The following UBR3 variants were observed in gnomAD, a reference collection of about 807,000 sequenced individuals.
UBR3 encodes E3 ubiquitin-protein ligase UBR3.
A neutral mutation model predicts 243.2 loss-of-function variants in UBR3; 85 were observed. The observed-to-expected ratio is 0.35, with a 90% CI of 0.29 to 0.42. The LOEUF (loss-of-function observed/expected upper bound fraction) is 0.42, where lower values mean the gene tolerates loss of function less well. UBR3 is among the 10% of genes least tolerant of loss of function. UBR3 has a pLI of 1.00. For missense variants in UBR3, 1,686 were observed against 2,300.8 expected, an observed-to-expected ratio of 0.73 and a Z score of 5.47; for synonymous variants, 748 against 799.8, an observed-to-expected ratio of 0.94 and a Z score of 1.09.
At chr2:169,905,032 A>C in intron 8 of UBR3, 82 bp from the exon 9 acceptor site, 2 of 1,173,596 alleles carry the variant, frequency 1.7e-6, no homozygotes, top group Non-Finnish European at 2.2e-6. Flanking sequence ...ATCTGATTCT[A>C]AAGTATATAT....
intron 6 of UBR3, among the ~76,000 whole-genome samples, chr2:169,891,561 A>G (rs1298187433): frequency 1.3e-5 from 2 of 151,628 alleles, no homozygotes; most frequent in African/African-American, 4.8e-5. Context: ...GGGGTATGCA[A>G]TTTCTAGAGT....
At chr2:169,917,408 A>C (rs1011477743) in intron 11 of UBR3, among the ~76,000 whole-genome samples, 1 of 152,166 alleles carries the variant, frequency 6.6e-6, no homozygotes, top group Non-Finnish European at 1.5e-5. Flanking sequence ...AAACTTCAGG[A>C]ATTATTGTTG....
Position 169,925,761 on chromosome 2 carries a change from A to G in UBR3, c.2151+14A>G. 1 of 1,539,548 alleles carries G rather than the reference A, an allele frequency of 6.5e-7. No individual in the cohort carries two copies. Among genetic ancestry groups the G allele is most frequent in the South Asian group, 1.2e-5 (1 of 81,448 alleles). On this transcript the variant is annotated intron_variant, in intron 14 of 38. Coordinates refer to ENST00000272793, the MANE Select transcript of UBR3 (RefSeq NM_172070.4). ...TACCTGTTACAGGTAAGCCAGCTAG[A>G]TAATGCAGATATACTTTAGAAGTGT...
At chr2:170,060,177 A>G (rs1438166540) in intron 33 of UBR3, among the ~76,000 whole-genome samples, 1 of 152,180 alleles carries the variant, frequency 6.6e-6, no homozygotes, top group Non-Finnish European at 1.5e-5. Context: ...AAAGGACATC[A>G]TAGCAGTTCT....
At chr2:170,069,689 T>C (rs1482763352) in intron 35 of UBR3, among the ~76,000 whole-genome samples, 1 of 151,254 alleles carries the variant, frequency 6.6e-6, no homozygotes, top group Non-Finnish European at 1.5e-5. Context: ...GACTGGCTTA[T>C]TTCATTTAAC....
At chr2:170,002,754 T>C (rs1574375689) in intron 27 of UBR3, among the ~76,000 whole-genome samples, 1 of 152,254 alleles carries the variant, frequency 6.6e-6, no homozygotes, top group East Asian at 1.9e-4. Context: ...AGGAGCTGAG[T>C]TCAAACCTCT....
chr2:169,895,649 A>G (rs1345912170), intron 7 of UBR3, among the ~76,000 whole-genome samples: 1 of 152,242 alleles, frequency 6.6e-6, no homozygotes, highest in Non-Finnish European at 1.5e-5. Context: ...GAAGAGTACA[A>G]GGTGCTATAA....
intron 24 of UBR3, among the ~76,000 whole-genome samples, chr2:169,982,894 T>C (rs1236778743): frequency 6.6e-6 from 1 of 152,218 alleles, no homozygotes; most frequent in Admixed American, 6.5e-5. Context: ...CAAACTTTTC[T>C]GGAGAAGGCT....
At chr2:169,912,918 A>G (rs1321511834) in intron 10 of UBR3, among the ~76,000 whole-genome samples, 1 of 152,006 alleles carries the variant, frequency 6.6e-6, no homozygotes, top group Non-Finnish European at 1.5e-5. Flanking sequence ...CCAAGTAGAT[A>G]GGACTATAAA....
intron 32 of UBR3, among the ~76,000 whole-genome samples, chr2:170,047,017 G>A (rs1271385590): frequency 1.3e-5 from 2 of 152,014 alleles, no homozygotes; most frequent in Non-Finnish European, 2.9e-5. Context: ...TTTTTGGGGA[G>A]ACAGTCTTGT....
chr2:170,077,989 A>G (rs956025961), intron 36 of UBR3: 31 of 648,294 alleles, frequency 4.8e-5, no homozygotes, highest in Admixed American at 8.4e-5. Context: ...CGGCTTAATC[A>G]TACTGGGAAG....
At chr2:170,016,920 G>A (rs751830023) in intron 30 of UBR3, 2 of 735,238 alleles carry the variant, frequency 2.7e-6, no homozygotes, top group Non-Finnish European at 3.6e-6. Context: ...TATCCTAAAT[G>A]TAAGTTAATA....
intron 32 of UBR3, among the ~76,000 whole-genome samples, chr2:170,050,307 A>C (rs2091188149): frequency 6.6e-6 from 1 of 152,154 alleles, no homozygotes; most frequent in Non-Finnish European, 1.5e-5. Flanking sequence ...AAAAGGTAAG[A>C]CTGAGAAGAT....
chr2:169,949,517 C>T (rs1371839133), intron 22 of UBR3, 88 bp from the exon 23 acceptor site: 27 of 1,192,164 alleles, frequency 2.3e-5, no homozygotes, highest in Non-Finnish European at 3.0e-5. Flanking sequence ...CTGAGCATTC[C>T]CTTTAGAAAA....
At chr2:169,875,688 A>C in intron 2 of UBR3, 103 bp from the exon 3 acceptor site, 1 of 1,093,538 alleles carries the variant, frequency 9.1e-7, no homozygotes, top group Non-Finnish European at 1.2e-6. Flanking sequence ...AAAATACTAT[A>C]ATTTAAGCCA....
At chr2:169,892,897 C>G (rs569837846) in intron 6 of UBR3, among the ~76,000 whole-genome samples, 12 of 152,290 alleles carry the variant, frequency 7.9e-5, no homozygotes, top group African/African-American at 2.9e-4. Flanking sequence ...GATTATTGAG[C>G]TAGTGAGTTG....
intron 5 of UBR3, among the ~76,000 whole-genome samples, chr2:169,888,105 A>ATTTATTTAT (rs1192739522): frequency 1.5e-5 from 2 of 135,196 alleles, no homozygotes; most frequent in African/African-American, 5.4e-5. Flanking sequence ...CATCTGTGTT[A>ATTTATTTAT]TGACTTTATT....
chr2:169,895,089 A>G (rs2084530833), intron 6 of UBR3, 92 bp from the exon 7 acceptor site: 1 of 1,248,188 alleles, frequency 8.0e-7, no homozygotes. Context: ...ACTTTTAGAT[A>G]CTTTCCCATT....
chr2:169,990,295 A>C (rs2105391212), intron 25 of UBR3, among the ~76,000 whole-genome samples: 1 of 152,226 alleles, frequency 6.6e-6, no homozygotes, highest in Admixed American at 6.5e-5. Context: ...GTGCCATCTC[A>C]TTATTGCTCA....
Sources: allele counts gnomAD v4.1 joint callset (sites outside exome capture counted in the v4.1 genomes callset), GRCh38; gene constraint gnomAD v4.1.1; transcripts MANE v1.5; gene names NCBI Gene and HGNC (gene_info 2026-07-23, HGNC 2026-07-21).